The following PPFIA1 variants were observed in gnomAD, a reference collection of about 807,000 sequenced individuals.
PPFIA1 encodes PPFI scaffold protein A1.
In PPFIA1, 25 loss-of-function variants were observed where a neutral mutation model predicts 149.9. The ratio of observed to expected loss-of-function variants is 0.17; its 90% CI spans 0.12 to 0.23. PPFIA1 has a LOEUF of 0.23. PPFIA1 is among the 10% of genes least tolerant of loss of function. The pLI is 1.00. For missense variants in PPFIA1, 1,362 were observed against 1,506.5 expected, an observed-to-expected ratio of 0.90 and a Z score of 1.59; for synonymous variants, 549 against 552.8, an observed-to-expected ratio of 0.99 and a Z score of 0.10.
At chr11:70,353,502 A>G (rs1030088589) in intron 16 of PPFIA1, among the ~76,000 whole-genome samples, 1 of 152,236 alleles carries the variant, frequency 6.6e-6, no homozygotes, top group Non-Finnish European at 1.5e-5. Flanking sequence ...ATGTATAAGC[A>G]GGATCTGCCT....
At chr11:70,326,428 T>G in intron 6 of PPFIA1, 65 bp downstream of exon 6, 9 of 1,444,950 alleles carry the variant, frequency 6.2e-6, no homozygotes, top group Non-Finnish European at 8.6e-6. Context: ...TGTCGGGTTA[T>G]GTGGAAAACA....
chr11:70,325,933 CAA>C lies in PPFIA1; in HGVS notation c.607-313_607-312del, dbSNP rs71049905. ...GGGTGACAGAGCAAGACTCTGTCTC[CAA>C]AAAAAAAAAAAAAAAGTAAAAGAAG... On this transcript the variant is annotated intron_variant, in intron 5 of 27. Coordinates refer to ENST00000253925, the MANE Select transcript of PPFIA1 (RefSeq NM_003626.5). 1.0e-3 allele frequency among the ~76,000 whole-genome samples: 102 copies of C among 102,352 alleles called. 1 individual carries two copies. The highest frequency in any genetic ancestry group is 1.1e-3 in the African/African-American group (33 of 29,292). The allele number at this position is 102,352 out of a possible 152,430, so 67.1% of individuals were successfully genotyped here.
intron 24 of PPFIA1, 54 bp downstream of exon 24, chr11:70,375,147 A>T: frequency 1.0e-6 from 1 of 966,990 alleles, no homozygotes; most frequent in Non-Finnish European, 1.4e-6. Context: ...CACCCTGATT[A>T]TAGACAGCTA....
chr11:70,271,956 C>G, intron 1 of PPFIA1: 1 of 566,764 alleles, frequency 1.8e-6, no homozygotes, highest in Non-Finnish European at 3.1e-6. Flanking sequence ...GACCCCTTCC[C>G]TGGATTTTTG....
At position 70,277,061 on chromosome 11, in the gene PPFIA1, T is replaced by TATATA. The variant is rs397734412; in HGVS notation, c.264+4625_264+4626insATATA. Reference sequence around the variant, plus strand: ...AGATATATATATATATATATATATATTTTTTTTTTTCCAGGCACAGTCTCA... The same window carrying TATATA: ...AGATATATATATATATATATATATATATATATTTTTTTTTTCCAGGCACAGTCTCA... On this transcript the variant is annotated intron_variant, in intron 2 of 27. Transcript: ENST00000253925. Among the ~76,000 whole-genome samples the TATATA allele has an allele frequency of 9.5e-4, 14 of 14,664 alleles. No individual in the cohort carries two copies. In the South Asian group the frequency reaches 0.021, roughly 22 times the overall value. 9.6% of individuals were successfully genotyped at this position (14,664 alleles called of 152,430 possible). A position where few individuals can be genotyped will look rare whatever the true frequency, so the allele number is the denominator to read the frequency against.
intron 19 of PPFIA1, among the ~76,000 whole-genome samples, chr11:70,360,040 G>C (rs1202284735): frequency 6.6e-6 from 1 of 152,220 alleles, no homozygotes; most frequent in African/African-American, 2.4e-5. Flanking sequence ...ACAGATCATG[G>C]ACTGGTCTGA....
rs2050144157 is a variant in PPFIA1 at position 70,272,388 on chromosome 11, T to C, written c.216T>C (p.Gly72=). 3 of 1,614,056 alleles carry C rather than the reference T, an allele frequency of 1.9e-6. No individual in the cohort carries two copies. The highest frequency in any genetic ancestry group is 1.7e-5 in the Admixed American group (1 of 59,996). The change falls in exon 2 of 28, where the codon GGT becomes GGC. Residue 72 remains glycine (G), a synonymous_variant. Transcript: ENST00000253925. The part of the protein sequence containing the change: ...ALTQGKLHEV[G]HERDSLQRQL... ...CCCAGGGGAAGTTACACGAGGTTGG[T>C]CATGAAAGAGATTCCTTGCAGAGAC...
chr11:70,325,416 G>A (rs1034751988), intron 4 of PPFIA1, 84 bp from the exon 5 acceptor site: 55 of 805,092 alleles, frequency 6.8e-5, no homozygotes, highest in Middle Eastern at 2.9e-4. Context: ...TACATTAAGT[G>A]TATATATTAC....
At chr11:70,336,106 CA>C (rs1437423446) in intron 11 of PPFIA1, among the ~76,000 whole-genome samples, 1 of 152,168 alleles carries the variant, frequency 6.6e-6, no homozygotes, top group Non-Finnish European at 1.5e-5. Flanking sequence ...TTTGTAGAAA[CA>C]AGCAGTGGGC....
intron 21 of PPFIA1, chr11:70,365,847 C>A: frequency 2.4e-6 from 1 of 424,126 alleles, no homozygotes; most frequent in South Asian, 1.7e-5. Flanking sequence ...CTCAGTGAAG[C>A]TGCATCTTCC....
chr11:70,336,379 G>A (rs1258708695), intron 11 of PPFIA1, among the ~76,000 whole-genome samples: 2 of 152,050 alleles, frequency 1.3e-5, no homozygotes, highest in Admixed American at 6.6e-5. Flanking sequence ...GCACCCGCCT[G>A]TAGTCCCAGC....
At chr11:70,380,585 AT>A (rs2057672562) in intron 26 of PPFIA1, among the ~76,000 whole-genome samples, 1 of 151,634 alleles carries the variant, frequency 6.6e-6, no homozygotes, top group Non-Finnish European at 1.5e-5. Flanking sequence ...AAAAGAAAAA[AT>A]TTGCCAGGCA....
At chr11:70,340,047 A>G (rs1228510899) in intron 14 of PPFIA1, among the ~76,000 whole-genome samples, 1 of 151,974 alleles carries the variant, frequency 6.6e-6, no homozygotes, top group African/African-American at 2.4e-5. Context: ...GCAGTGCCTC[A>G]CACCTGTAAT....
chr11:70,354,777 G>T (rs1186277525), intron 17 of PPFIA1, among the ~76,000 whole-genome samples: 1 of 151,962 alleles, frequency 6.6e-6, no homozygotes, highest in Non-Finnish European at 1.5e-5. Flanking sequence ...TTGGCAAGCA[G>T]ATGACAGGCT....
intron 2 of PPFIA1, among the ~76,000 whole-genome samples, chr11:70,323,469 A>G (rs1353884346): frequency 6.6e-6 from 1 of 152,028 alleles, no homozygotes; most frequent in Non-Finnish European, 1.5e-5. Context: ...CCATGACTCC[A>G]CTAGCCAGGA....
intron 26 of PPFIA1, among the ~76,000 whole-genome samples, chr11:70,380,439 C>T (rs1347842031): frequency 2.6e-5 from 4 of 151,552 alleles, no homozygotes; most frequent in African/African-American, 4.9e-5. Flanking sequence ...TAGCTGGGCA[C>T]GGTGGCAGGC....
chr11:70,306,631 G>A (rs573532029), intron 2 of PPFIA1, among the ~76,000 whole-genome samples: 1 of 152,306 alleles, frequency 6.6e-6, no homozygotes, highest in South Asian at 2.1e-4. Flanking sequence ...TTCTGATAAC[G>A]AATGTTTGGC....
intron 26 of PPFIA1, among the ~76,000 whole-genome samples, chr11:70,379,742 T>C (rs1458102992): frequency 6.6e-6 from 1 of 152,196 alleles, no homozygotes; most frequent in Admixed American, 6.5e-5. Context: ...AAAAGAAAAG[T>C]ACATTTAAAT....
At chr11:70,369,745 G>A (rs1168627174) in intron 21 of PPFIA1, among the ~76,000 whole-genome samples, 5 of 152,166 alleles carry the variant, frequency 3.3e-5, no homozygotes, top group Non-Finnish European at 7.4e-5. Flanking sequence ...ATTGTTCACA[G>A]TATTCCCTTA....
Sources: gnomAD v4.1 joint callset for allele counts (sites outside exome capture counted in the v4.1 genomes callset) on GRCh38, gnomAD v4.1.1 for gene constraint, MANE v1.5 for transcripts, NCBI Gene and HGNC (gene_info 2026-07-23, HGNC 2026-07-21) for gene names.